The following PHKB variants were observed in gnomAD, a reference collection of about 807,000 sequenced individuals.
PHKB encodes the protein phosphorylase b kinase regulatory subunit beta.
In PHKB, 122 loss-of-function variants were observed where a neutral mutation model predicts 152.1. That is an observed-to-expected ratio of 0.80 (90% CI 0.69 to 0.93). The LOEUF is 0.93. Among genes scored for constraint, PHKB ranks in the 40% least tolerant of loss-of-function variants. PHKB has a pLI of 0.00. For missense variants in PHKB, 1,304 were observed against 1,328.4 expected, an observed-to-expected ratio of 0.98 and a Z score of 0.29; for synonymous variants, 436 against 464.9, an observed-to-expected ratio of 0.94 and a Z score of 0.80.
intron 14 of PHKB, among the ~76,000 whole-genome samples, chr16:47,620,890 T>A (rs8061440): frequency 0.095 from 13,477 of 142,028 alleles, 1,131 homozygotes; most frequent in African/African-American, 0.28. Flanking sequence ...ATAAAAAATA[T>A]AAAAAAAAAG....
At chr16:47,547,614 A>G (rs1597075152) in intron 7 of PHKB, 66 bp downstream of exon 7, 2 of 905,418 alleles carry the variant, frequency 2.2e-6, no homozygotes, top group East Asian at 2.5e-5. Context: ...ATGAAGAAAT[A>G]CTGAAGCATT....
At chr16:47,685,685 G>A (rs1035123357) in intron 26 of PHKB, among the ~76,000 whole-genome samples, 4 of 151,386 alleles carry the variant, frequency 2.6e-5, no homozygotes, top group Non-Finnish European at 1.5e-5. Context: ...GAATTCCAAG[G>A]TATAAAAAGA....
chr16:47,663,537 A>G, intron 23 of PHKB, 140 bp from the exon 24 acceptor site: 1 of 689,494 alleles, frequency 1.5e-6, no homozygotes, highest in Non-Finnish European at 2.6e-6. Flanking sequence ...ACATATTTAA[A>G]TATGTTAGTT....
intron 8 of PHKB, among the ~76,000 whole-genome samples, chr16:47,582,554 C>T (rs1423860352): frequency 2.6e-5 from 4 of 152,176 alleles, no homozygotes; most frequent in Non-Finnish European, 5.9e-5. Context: ...CATATATGAG[C>T]TCTACTTCCA....
intron 26 of PHKB, among the ~76,000 whole-genome samples, chr16:47,687,560 TTTG>T (rs1973986430): frequency 1.3e-5 from 2 of 152,272 alleles, no homozygotes; most frequent in South Asian, 4.1e-4. Context: ...CTTTCAGGCA[TTTG>T]TTGTTTGTAA....
chr16:47,547,326 C>A, intron 6 of PHKB, 107 bp from the exon 7 acceptor site: 1 of 711,172 alleles, frequency 1.4e-6, no homozygotes, highest in Non-Finnish European at 2.5e-6. Context: ...TCATGTAATC[C>A]CTCCCCTCAG....
At chr16:47,695,684 T>A (rs973625771) in intron 28 of PHKB, among the ~76,000 whole-genome samples, 1 of 152,240 alleles carries the variant, frequency 6.6e-6, no homozygotes, top group Admixed American at 6.5e-5. Context: ...AGTCACCCCA[T>A]CTGCCTTCCA....
intron 1 of PHKB, among the ~76,000 whole-genome samples, chr16:47,473,051 T>C: frequency 6.6e-6 from 1 of 150,976 alleles, no homozygotes; most frequent in African/African-American, 2.4e-5. Context: ...TGTTTTTTTT[T>C]TTGTTTGTTT....
chr16:47,636,829 G>T (rs1235341104), intron 14 of PHKB, among the ~76,000 whole-genome samples: 2 of 152,156 alleles, frequency 1.3e-5, no homozygotes, highest in Non-Finnish European at 2.9e-5. Flanking sequence ...CGGGTCCCTG[G>T]TGAAACCCTG....
chr16:47,639,738 T>A (rs563326665), intron 14 of PHKB, among the ~76,000 whole-genome samples: 1 of 152,332 alleles, frequency 6.6e-6, no homozygotes, highest in East Asian at 1.9e-4. Context: ...GTATTCTGTA[T>A]GTTTTCATTT....
At chr16:47,583,714 A>G (rs1193400379) in intron 8 of PHKB, among the ~76,000 whole-genome samples, 1 of 152,172 alleles carries the variant, frequency 6.6e-6, no homozygotes, top group Admixed American at 6.5e-5. Context: ...AGTAAAACCA[A>G]TGCCACTCCA....
intron 14 of PHKB, among the ~76,000 whole-genome samples, chr16:47,620,466 A>G (rs188513198): frequency 2.0e-4 from 30 of 152,358 alleles, no homozygotes; most frequent in Non-Finnish European, 3.2e-4. Context: ...GCAAGATTGT[A>G]TTCTATTGAA....
intron 26 of PHKB, chr16:47,676,386 G>A (rs1297000299): frequency 6.6e-6 from 1 of 152,044 alleles, no homozygotes; most frequent in African/African-American, 2.4e-5. Context: ...TGTTAATTAT[G>A]ATTAAAGAGA....
At position 47,518,122 on chromosome 16, in the gene PHKB, T is replaced by C. The variant is rs151116833; in HGVS notation, c.594+2521T>C. ...CTACCACATCTTCAGTTCCTAGTTA[T>C]ACTCACATTTTAAGACAATCTAAGG... On this transcript the variant is annotated intron_variant, in intron 6 of 30. Transcript: ENST00000323584. Among the ~76,000 whole-genome samples the C allele has an allele frequency of 3.9e-3, 588 of 152,324 alleles. 5 individuals are homozygous for C. The highest frequency in any genetic ancestry group is 0.014 in the African/African-American group (562 of 41,576).
chr16:47,679,637 T>C (rs1161364015), intron 26 of PHKB, among the ~76,000 whole-genome samples: 5 of 152,386 alleles, frequency 3.3e-5, no homozygotes, highest in Non-Finnish European at 7.3e-5. Flanking sequence ...CAGACTTTGC[T>C]GAAGTTGCTT....
intron 7 of PHKB, among the ~76,000 whole-genome samples, chr16:47,572,766 T>A (rs1971683755): frequency 6.6e-6 from 1 of 152,208 alleles, no homozygotes; most frequent in South Asian, 2.1e-4. Flanking sequence ...AGTAATGTAC[T>A]GGGTACATGA....
chr16:47,517,970 G>A (rs998355794), intron 6 of PHKB, among the ~76,000 whole-genome samples: 5 of 152,138 alleles, frequency 3.3e-5, no homozygotes, highest in African/African-American at 4.8e-5. Flanking sequence ...GACCTGCATA[G>A]AATCAGTTAA....
chr16:47,663,539 A>G, intron 23 of PHKB, 138 bp from the exon 24 acceptor site: 4 of 693,486 alleles, frequency 5.8e-6, no homozygotes, highest in Non-Finnish European at 1.0e-5. Context: ...ATATTTAAAT[A>G]TGTTAGTTCA....
intron 14 of PHKB, among the ~76,000 whole-genome samples, chr16:47,640,069 G>T (rs1341505603): frequency 6.6e-6 from 1 of 152,138 alleles, no homozygotes; most frequent in East Asian, 1.9e-4. Flanking sequence ...GCGTGAAATG[G>T]CACTTTGACG....
Sources: gnomAD v4.1 joint callset for allele counts (sites outside exome capture counted in the v4.1 genomes callset) on GRCh38, gnomAD v4.1.1 for gene constraint, MANE v1.5 for transcripts, NCBI Gene and HGNC (gene_info 2026-07-23, HGNC 2026-07-21) for gene names.